The following ANAPC10 variants were observed in gnomAD, a reference collection of about 807,000 sequenced individuals.
ANAPC10 encodes anaphase promoting complex subunit 10.
In ANAPC10, 12 loss-of-function variants were observed where a neutral mutation model predicts 22.0. That is an observed-to-expected ratio of 0.55 (90% CI 0.35 to 0.88). The LOEUF is 0.88. Ranked by LOEUF, ANAPC10 falls within the 40% of genes least tolerant of loss-of-function variation. ANAPC10 has a pLI of 0.01. For synonymous variants in ANAPC10, 65 were observed against 69.5 expected, an observed-to-expected ratio of 0.94 and a Z score of 0.32; for missense variants, 188 against 220.9, an observed-to-expected ratio of 0.85 and a Z score of 0.94.
At chr4:145,039,395 T>C (rs897695839) in intron 4 of ANAPC10, among the ~76,000 whole-genome samples, 1 of 152,140 alleles carries the variant, frequency 6.6e-6, no homozygotes. Flanking sequence ...AAAAGTAGTG[T>C]GAATTATATA....
intron 4 of ANAPC10, among the ~76,000 whole-genome samples, chr4:145,059,906 C>T (rs566687167): frequency 6.6e-6 from 1 of 151,852 alleles, no homozygotes; most frequent in East Asian, 1.9e-4. Context: ...AAAAGAACAA[C>T]ATTAAATCAA....
intron 4 of ANAPC10, among the ~76,000 whole-genome samples, chr4:145,023,800 T>C (rs1027999694): frequency 6.6e-6 from 1 of 152,186 alleles, no homozygotes; most frequent in Non-Finnish European, 1.5e-5. Flanking sequence ...CGCTGAAGGT[T>C]TGGGTGGCTG....
In ANAPC10 at chr4:145,081,769, T is replaced by C. The variant is rs1397993080; in HGVS notation, c.116-19A>G. The C allele has an allele frequency of 1.3e-6, 2 of 1,548,780 alleles. No homozygotes were observed. Among genetic ancestry groups the C allele is most frequent in the African/African-American group, 1.4e-5 (1 of 73,392 alleles). On this transcript the variant is annotated intron_variant, in intron 2 of 4. Transcript: ENST00000507656. ...CCAAATCCTAAAAACACCAAAAGTG[T>C]CAATAAATCCCTGTGAAAAAGAAAC...
At chr4:145,050,536 T>G (rs1313349985) in intron 4 of ANAPC10, among the ~76,000 whole-genome samples, 3 of 152,218 alleles carry the variant, frequency 2.0e-5, no homozygotes, top group Admixed American at 6.5e-5. Context: ...TGACTTCTCC[T>G]CTCTAATCTT....
intron 4 of ANAPC10, among the ~76,000 whole-genome samples, chr4:145,036,339 T>C (rs1738530371): frequency 6.6e-6 from 1 of 152,218 alleles, no homozygotes; most frequent in Admixed American, 6.5e-5. Context: ...TTTAGAATTG[T>C]ACACATCTAA....
intron 4 of ANAPC10, among the ~76,000 whole-genome samples, chr4:145,054,616 T>G: frequency 8.9e-6 from 1 of 112,312 alleles, no homozygotes; most frequent in African/African-American, 4.1e-5. Context: ...TGTGTGTGTG[T>G]GTGTGTGTGT....
intron 4 of ANAPC10, among the ~76,000 whole-genome samples, chr4:145,028,541 G>C (rs941771094): frequency 6.6e-6 from 1 of 152,100 alleles, no homozygotes; most frequent in African/African-American, 2.4e-5. Flanking sequence ...TTGGTACCAG[G>C]AGTGGTTCTA....
chr4:145,007,596 G>T (rs918695458), intron 4 of ANAPC10, among the ~76,000 whole-genome samples: 1 of 152,148 alleles, frequency 6.6e-6, no homozygotes, highest in South Asian at 2.1e-4. Flanking sequence ...ATAACGAAAT[G>T]AAAGCAGAAA....
At chr4:145,045,894 C>T (rs181283177) in intron 4 of ANAPC10, among the ~76,000 whole-genome samples, 1 of 152,180 alleles carries the variant, frequency 6.6e-6, no homozygotes, top group African/African-American at 2.4e-5. Flanking sequence ...CTTTTTCATA[C>T]TGTAATTTTA....
chr4:145,022,564 T>C (rs1560834485), intron 4 of ANAPC10, among the ~76,000 whole-genome samples: 1 of 152,126 alleles, frequency 6.6e-6, no homozygotes, highest in East Asian at 1.9e-4. Flanking sequence ...GTGCAATGTA[T>C]ACTGCTTGGG....
At chr4:144,996,693 C>T (rs1052437999) in intron 4 of ANAPC10, among the ~76,000 whole-genome samples, 1 of 152,196 alleles carries the variant, frequency 6.6e-6, no homozygotes, top group Non-Finnish European at 1.5e-5. Context: ...CAAAGAAATG[C>T]AGCTCCTCGC....
intron 3 of ANAPC10, among the ~76,000 whole-genome samples, chr4:145,080,070 C>T (rs914526082): frequency 4.8e-5 from 7 of 144,662 alleles, no homozygotes; most frequent in African/African-American, 5.1e-5. Flanking sequence ...ACAGAGATCA[C>T]GCCACTGCGC....
intron 4 of ANAPC10, among the ~76,000 whole-genome samples, chr4:145,013,080 T>TC: frequency 6.6e-6 from 1 of 152,246 alleles, no homozygotes. Context: ...TCCTGAGGCT[T>TC]CCCCAGACAT....
intron 4 of ANAPC10, among the ~76,000 whole-genome samples, chr4:145,048,786 C>A (rs1460812879): frequency 6.6e-6 from 1 of 151,406 alleles, no homozygotes; most frequent in Admixed American, 6.6e-5. Context: ...AGGAATAGTC[C>A]AAAGATACAG....
At chr4:145,018,644 C>T (rs72952180) in intron 4 of ANAPC10, among the ~76,000 whole-genome samples, 6 of 149,180 alleles carry the variant, frequency 4.0e-5, no homozygotes, top group African/African-American at 1.5e-4. Context: ...CTCAAAATCT[C>T]GAAATCTAAA....
intron 2 of ANAPC10, among the ~76,000 whole-genome samples, chr4:145,088,691 T>C (rs1051292090): frequency 2.0e-5 from 3 of 152,210 alleles, no homozygotes; most frequent in Non-Finnish European, 4.4e-5. Flanking sequence ...GTGTTCACCA[T>C]TATGCCACTA....
Position 145,050,961 on chromosome 4 carries a change from G to A in ANAPC10, c.327+13611C>T, listed in dbSNP as rs775624488. On this transcript the variant is annotated intron_variant, in intron 4 of 4. Coordinates refer to ENST00000507656, the MANE Select transcript of ANAPC10 (RefSeq NM_001256706.2). ...CACTAGAGTAGCACGTTTAATTTCC[G>A]TCAGGAACTTTTCCCTTATATTCAC... 6.6e-5 allele frequency among the ~76,000 whole-genome samples: 10 copies of A among 152,236 alleles called. No individual in the cohort carries two copies. In the East Asian group the frequency reaches 1.9e-3, roughly 29 times the overall value.
At chr4:145,065,636 TATCC>T (rs1305676517) in intron 3 of ANAPC10, among the ~76,000 whole-genome samples, 1 of 152,026 alleles carries the variant, frequency 6.6e-6, no homozygotes, top group Non-Finnish European at 1.5e-5. Flanking sequence ...ACAGCCTAAA[TATCC>T]ATGACAATAG....
chr4:145,069,684 T>A (rs182901267), intron 3 of ANAPC10, among the ~76,000 whole-genome samples: 52 of 152,342 alleles, frequency 3.4e-4, no homozygotes, highest in Admixed American at 1.1e-3. Flanking sequence ...CAAGACTCTT[T>A]CAGAGGATCA....
Sources: gnomAD v4.1 joint callset for allele counts (sites outside exome capture counted in the v4.1 genomes callset) on GRCh38, gnomAD v4.1.1 for gene constraint, MANE v1.5 for transcripts, NCBI Gene and HGNC (gene_info 2026-07-23, HGNC 2026-07-21) for gene names.